FTO: variants seen among roughly 807,000 people sequenced by gnomAD.
FTO encodes FTO alpha-ketoglutarate dependent dioxygenase.
Under a neutral mutation model 63.9 loss-of-function variants are expected in FTO, and 47 were observed. That is an observed-to-expected ratio of 0.74 (90% CI 0.58 to 0.94). The LOEUF is 0.94. FTO is among the 40% of genes least tolerant of loss of function. FTO has a pLI of 0.00. For synonymous variants in FTO, 207 were observed against 224.4 expected (o/e 0.92, Z 0.69); for missense variants, 562 against 618.1 (o/e 0.91, Z 0.96).
At position 53,879,691 on chromosome 16, in the gene FTO, TAAAA is replaced by T. The variant is rs34252518; in HGVS notation, c.976-134_976-131del. ...ACACAGCAAGACCCTATCTCAAAAT[TAAAA>T]AAAAAAAAAAAAAAAAAAGGAGTAT... On this transcript the variant is annotated intron_variant, in intron 5 of 8. Coordinates refer to ENST00000471389, the MANE Select transcript of FTO (RefSeq NM_001080432.3). 3.8e-3 allele frequency among the ~76,000 whole-genome samples: 358 copies of T among 95,066 alleles called. 3 individuals carry two copies. The highest frequency in any genetic ancestry group is 0.014 in the African/African-American group (336 of 24,800). 62.4% of individuals were successfully genotyped at this position (95,066 alleles called of 152,430 possible). A position where few individuals can be genotyped will look rare whatever the true frequency, so the allele number is the denominator to read the frequency against.
At chr16:53,820,945 GAGTGGGAAAA>G (rs1350275231) in intron 2 of FTO, among the ~76,000 whole-genome samples, 1 of 152,070 alleles carries the variant, frequency 6.6e-6, no homozygotes, top group Non-Finnish European at 1.5e-5. Flanking sequence ...GACATGATCT[GAGTGGGAAAA>G]AAATGGAATA....
chr16:54,032,577 A>G (rs1336591055), intron 8 of FTO, among the ~76,000 whole-genome samples: 3 of 152,248 alleles, frequency 2.0e-5, no homozygotes, highest in Non-Finnish European at 4.4e-5. Context: ...AAGGAAAAAG[A>G]ATCCAAACAG....
intron 1 of FTO, among the ~76,000 whole-genome samples, chr16:53,717,276 A>G (rs1307389565): frequency 6.6e-6 from 1 of 152,062 alleles, no homozygotes; most frequent in Non-Finnish European, 1.5e-5. Context: ...GCTTATTGGT[A>G]CATCCACTCT....
intron 4 of FTO, among the ~76,000 whole-genome samples, chr16:53,873,065 C>T (rs1221643731): frequency 2.6e-5 from 4 of 152,108 alleles, no homozygotes; most frequent in African/African-American, 9.7e-5. Flanking sequence ...GTTCTAAGAG[C>T]CAAACATGCA....
At chr16:54,099,546 C>T (rs1350795608) in intron 8 of FTO, among the ~76,000 whole-genome samples, 1 of 152,164 alleles carries the variant, frequency 6.6e-6, no homozygotes, top group African/African-American at 2.4e-5. Context: ...AGAAGTCATG[C>T]AAGTTTCGGG....
chr16:54,001,383 A>T lies in FTO; in HGVS notation c.1364+67274A>T, dbSNP rs535035460. Among the ~76,000 whole-genome samples, 64 of 152,252 alleles carry T rather than the reference A, an allele frequency of 4.2e-4. 1 individual carries two copies. Among genetic ancestry groups the T allele is most frequent in the African/African-American group, 1.5e-3 (63 of 41,562 alleles). On this transcript the variant is annotated intron_variant, in intron 8 of 8. Coordinates refer to ENST00000471389, the MANE Select transcript of FTO (RefSeq NM_001080432.3). Reference sequence around the variant, plus strand: ...AGGGTGGTATCTTCGTCTTCTGAGTATGATTCCGTACCATGAATATGTTGG... The same window carrying T: ...AGGGTGGTATCTTCGTCTTCTGAGTTTGATTCCGTACCATGAATATGTTGG...
At chr16:53,722,087 C>T (rs1295976395) in intron 1 of FTO, among the ~76,000 whole-genome samples, 1 of 152,174 alleles carries the variant, frequency 6.6e-6, no homozygotes, top group Non-Finnish European at 1.5e-5. Flanking sequence ...TTCAGTCCCT[C>T]CTCTTTCATG....
At chr16:54,081,570 G>A (rs2086142155) in intron 8 of FTO, among the ~76,000 whole-genome samples, 1 of 152,094 alleles carries the variant, frequency 6.6e-6, no homozygotes. Context: ...TGTGTCAATA[G>A]CCAAAGAGGA....
intron 8 of FTO, among the ~76,000 whole-genome samples, chr16:53,965,097 G>T (rs996052001): frequency 1.3e-5 from 2 of 152,004 alleles, no homozygotes; most frequent in African/African-American, 2.4e-5. Context: ...GTTTTGAGAT[G>T]GAGTCTCCCT....
At chr16:53,755,549 G>T (rs2076903308) in intron 1 of FTO, among the ~76,000 whole-genome samples, 1 of 152,224 alleles carries the variant, frequency 6.6e-6, no homozygotes, top group African/African-American at 2.4e-5. Flanking sequence ...TTGTTTGAAT[G>T]AAATCATCAA....
Position 54,075,979 on chromosome 16 carries a change from C to G in FTO, c.1365-35783C>G, listed in dbSNP as rs578132432. On this transcript the variant is annotated intron_variant, in intron 8 of 8. Transcript: ENST00000471389. ...AATCTGTCACTAGAATATGCGAGGCCGGATTCCCCATCTTCCCCTAGCTCA... is the reference window on the plus strand; with the variant it reads ...AATCTGTCACTAGAATATGCGAGGCGGGATTCCCCATCTTCCCCTAGCTCA... Among the ~76,000 whole-genome samples the G allele has an allele frequency of 2.0e-5, 3 of 152,174 alleles. No homozygotes were observed. In the South Asian group the frequency reaches 6.2e-4, roughly 32 times the overall value.
intron 7 of FTO, among the ~76,000 whole-genome samples, chr16:53,919,708 A>G (rs974109689): frequency 1.3e-4 from 20 of 152,222 alleles, no homozygotes; most frequent in Non-Finnish European, 2.9e-4. Flanking sequence ...ATTGGAGACC[A>G]TTGTTCTAAC....
At chr16:54,064,247 T>C (rs2085665262) in intron 8 of FTO, among the ~76,000 whole-genome samples, 1 of 152,244 alleles carries the variant, frequency 6.6e-6, no homozygotes, top group South Asian at 2.1e-4. Flanking sequence ...ATTCTTTCTA[T>C]GTAGGCAAGC....
chr16:53,920,011 G>A (rs1188413975), intron 7 of FTO, among the ~76,000 whole-genome samples: 2 of 152,088 alleles, frequency 1.3e-5, no homozygotes, highest in African/African-American at 2.4e-5. Context: ...AAGACTAAAT[G>A]GGGGAAAGAG....
intron 6 of FTO, among the ~76,000 whole-genome samples, chr16:53,888,238 C>G (rs1234959307): frequency 1.3e-5 from 2 of 151,796 alleles, no homozygotes; most frequent in African/African-American, 4.8e-5. Context: ...GACTCTTGCT[C>G]TGTTGCCCAG....
intron 2 of FTO, among the ~76,000 whole-genome samples, chr16:53,817,743 A>G (rs1390618705): frequency 6.6e-6 from 1 of 152,202 alleles, no homozygotes; most frequent in African/African-American, 2.4e-5. Flanking sequence ...TTTTTATATA[A>G]TGGCTTAAAA....
At chr16:53,722,463 T>G (rs2076062656) in intron 1 of FTO, among the ~76,000 whole-genome samples, 1 of 152,184 alleles carries the variant, frequency 6.6e-6, no homozygotes, top group Admixed American at 6.5e-5. Context: ...TTTTTTTACT[T>G]TACTGAACAG....
rs533426259 is a variant in FTO, at chr16:53,985,890, A to G, written c.1364+51781A>G. Among the ~76,000 whole-genome samples, 5 of 152,378 alleles carry G rather than the reference A, an allele frequency of 3.3e-5. 1 individual carries two copies. The East Asian group carries it at 5.8e-4, about 18-fold the overall frequency. Reference sequence around the variant, plus strand: ...GCCATATCTTTGATAAGGAAGTTCTATGGCTTAAAGAGTGTAACCACTAGT... The same window carrying G: ...GCCATATCTTTGATAAGGAAGTTCTGTGGCTTAAAGAGTGTAACCACTAGT... On this transcript the variant is annotated intron_variant, in intron 8 of 8. Coordinates refer to ENST00000471389, the MANE Select transcript of FTO (RefSeq NM_001080432.3).
At chr16:53,959,448 A>G (rs925786083) in intron 8 of FTO, among the ~76,000 whole-genome samples, 3 of 152,202 alleles carry the variant, frequency 2.0e-5, no homozygotes, top group African/African-American at 7.2e-5. Flanking sequence ...AAAGTGGAAC[A>G]TCCTGTTACT....
Sources: allele counts gnomAD v4.1 joint callset (sites outside exome capture counted in the v4.1 genomes callset), GRCh38; gene constraint gnomAD v4.1.1; transcripts MANE v1.5; gene names NCBI Gene and HGNC (gene_info 2026-07-23, HGNC 2026-07-21).